The following CEP128 variants were observed in gnomAD, a reference collection of about 807,000 sequenced individuals.
CEP128 encodes centrosomal protein 128kDa.
Under a neutral mutation model 156.7 loss-of-function variants are expected in CEP128, and 132 were observed. The observed-to-expected ratio is 0.84, with a 90% CI of 0.73 to 0.97. The LOEUF (loss-of-function observed/expected upper bound fraction) is 0.97, where lower values mean the gene tolerates loss of function less well. CEP128 is among the 50% of genes least tolerant of loss of function. The pLI is 0.00. For synonymous variants in CEP128, 469 were observed against 448.9 expected, an observed-to-expected ratio of 1.04 and a Z score of -0.57; for missense variants, 1,252 against 1,281.9, an observed-to-expected ratio of 0.98 and a Z score of 0.36.
intron 19 of CEP128, among the ~76,000 whole-genome samples, chr14:80,730,193 G>A (rs58842394): frequency 0.075 from 11,483 of 152,108 alleles, 1,456 homozygotes; most frequent in African/African-American, 0.26. Context: ...TCATTGCAAC[G>A]AAATCATACT....
At chr14:80,924,125 G>A (rs1219541372) in intron 2 of CEP128, among the ~76,000 whole-genome samples, 1 of 152,200 alleles carries the variant, frequency 6.6e-6, no homozygotes, top group African/African-American at 2.4e-5. Flanking sequence ...CTTTATAGCA[G>A]TATGAAAATG....
chr14:80,561,404 T>G (rs1363876656), intron 20 of CEP128, among the ~76,000 whole-genome samples: 1 of 152,176 alleles, frequency 6.6e-6, no homozygotes, highest in East Asian at 1.9e-4. Context: ...GGGGCTTTGA[T>G]CTATTGTTGC....
At chr14:80,898,407 G>A in intron 7 of CEP128, among the ~76,000 whole-genome samples, 1 of 151,976 alleles carries the variant, frequency 6.6e-6, no homozygotes, top group East Asian at 1.9e-4. Context: ...TCCTATTTTG[G>A]GTAAAACAAA....
intron 18 of CEP128, among the ~76,000 whole-genome samples, chr14:80,746,932 A>G (rs1025883546): frequency 6.6e-6 from 1 of 152,246 alleles, no homozygotes; most frequent in Non-Finnish European, 1.5e-5. Context: ...ATGTAAATAG[A>G]TATTTCTCCA....
intron 19 of CEP128, among the ~76,000 whole-genome samples, chr14:80,681,416 C>T (rs1896319794): frequency 6.6e-6 from 1 of 152,130 alleles, no homozygotes; most frequent in Non-Finnish European, 1.5e-5. Flanking sequence ...AAAATGGAAA[C>T]TCAGAAATAA....
In CEP128 at chr14:80,904,913, G is replaced by C; in HGVS notation, c.380C>G (p.Pro127Arg). The C allele has an allele frequency of 1.9e-6, 3 of 1,600,274 alleles. No homozygotes were observed. The highest frequency in any genetic ancestry group is 2.2e-5 in the South Asian group (2 of 90,790). Residue 127 changes from proline to arginine, a missense_variant, in exon 6 of 25, where the codon CCT becomes CGT. Physicochemically the swap from Pro to Arg is moderately radical, Grantham distance 103. Coordinates refer to ENST00000555265, the MANE Select transcript of CEP128 (RefSeq NM_152446.5). ...CCCATAGTCCTTGAGAGGTGAGGTAGGTGGAAAATGATGGAGCTCTTCACA... is the reference window on the plus strand; with the variant it reads ...CCCATAGTCCTTGAGAGGTGAGGTACGTGGAAAATGATGGAGCTCTTCACA... ...GTGSELHHFP[P>R]TSPLKDYGDP...
At chr14:80,765,808 C>A (rs1401923413) in intron 16 of CEP128, among the ~76,000 whole-genome samples, 2 of 152,158 alleles carry the variant, frequency 1.3e-5, no homozygotes, top group African/African-American at 2.4e-5. Context: ...GACTACATAA[C>A]TTGACTAAAG....
chr14:80,558,354 T>C (rs571268123), intron 21 of CEP128, among the ~76,000 whole-genome samples: 1 of 152,246 alleles, frequency 6.6e-6, no homozygotes, highest in East Asian at 1.9e-4. Context: ...AGTGGCATGA[T>C]CTCGGCTCAC....
chr14:80,556,092 G>C (rs903649550), intron 21 of CEP128, among the ~76,000 whole-genome samples: 1 of 151,916 alleles, frequency 6.6e-6, no homozygotes, highest in African/African-American at 2.4e-5. Context: ...CATGAGCAGG[G>C]GCTCTCAATC....
At chr14:80,698,059 T>C (rs1322013574) in intron 19 of CEP128, among the ~76,000 whole-genome samples, 1 of 152,088 alleles carries the variant, frequency 6.6e-6, no homozygotes. Flanking sequence ...ACTGTGACTT[T>C]GTATTATATT....
chr14:80,835,454 T>A (rs1420515809), intron 12 of CEP128, among the ~76,000 whole-genome samples: 30 of 152,192 alleles, frequency 2.0e-4, no homozygotes, highest in Admixed American at 2.0e-3. Flanking sequence ...TTACCTTCCC[T>A]GAATTTAACA....
In CEP128 at chr14:80,699,647, C is replaced by T. The variant is rs566306451; in HGVS notation, c.2806+43428G>A. ...CGAGCATGCTACATCACTGATAATA[C>T]ACAGAGAGATTAAACCTATTAAACC... On this transcript the variant is annotated intron_variant, in intron 19 of 24. Coordinates refer to ENST00000555265, the MANE Select transcript of CEP128 (RefSeq NM_152446.5). 1.7e-4 allele frequency among the ~76,000 whole-genome samples: 10 copies of T among 60,146 alleles called. No individual in the cohort carries two copies. The East Asian group carries it at 8.2e-3, about 49-fold the overall frequency. The allele number at this position is 60,146 out of a possible 152,430, so 39.5% of individuals were successfully genotyped here.
chr14:80,581,303 G>T (rs919988784), intron 19 of CEP128, among the ~76,000 whole-genome samples: 1 of 152,090 alleles, frequency 6.6e-6, no homozygotes, highest in Admixed American at 6.6e-5. Flanking sequence ...CTCTCTCATT[G>T]ATATAGCTTA....
At chr14:80,704,184 T>C (rs551081024) in intron 19 of CEP128, among the ~76,000 whole-genome samples, 3 of 152,182 alleles carry the variant, frequency 2.0e-5, no homozygotes, top group Non-Finnish European at 4.4e-5. Context: ...ATTTCAATTA[T>C]GTAGTCCTAG....
At position 80,785,404 on chromosome 14, in the gene CEP128, G is replaced by A. The variant is rs115536488; in HGVS notation, c.1702C>T (p.Arg568Cys). Residue 568 changes from arginine to cysteine, a missense_variant, in exon 15 of 25, where the codon CGT (arginine) becomes TGT (cysteine). Transcript: ENST00000555265. ...TCAGCTTGATGAGACTTAATATCAC[G>A]TAATTTCTCCTCCTTGGAGTGAAGC... is the stretch of plus-strand genomic sequence containing the variant. ...EELHSKEEKL[R>C]DIKSHQADLE... The A allele has an allele frequency of 1.3e-5, 21 of 1,614,018 alleles. No homozygotes were observed. The highest frequency in any genetic ancestry group is 4.5e-5 in the East Asian group (2 of 44,884).
chr14:80,916,385 C>T lies in CEP128; in HGVS notation c.147+16G>A. On this transcript the variant is annotated intron_variant, in intron 3 of 24. Transcript: ENST00000555265. ...ACTATTTAAATTCTATTAAATGCAA[C>T]CATTGTTAAACTAACCTGTAAAGTA... The T allele has an allele frequency of 6.2e-7, 1 of 1,600,170 alleles. No homozygotes were observed. The highest frequency in any genetic ancestry group is 8.5e-7 in the Non-Finnish European group (1 of 1,171,110).
chr14:80,775,788 A>G (rs1231474740), intron 16 of CEP128, among the ~76,000 whole-genome samples: 1 of 152,266 alleles, frequency 6.6e-6, no homozygotes, highest in Non-Finnish European at 1.5e-5. Flanking sequence ...TAACACATGC[A>G]TCTGAAATAT....
At chr14:80,910,969 T>G (rs1884173336) in intron 4 of CEP128, among the ~76,000 whole-genome samples, 1 of 152,190 alleles carries the variant, frequency 6.6e-6, no homozygotes, top group East Asian at 1.9e-4. Context: ...TGCTTTTAGA[T>G]TACCATGAAA....
intron 8 of CEP128, among the ~76,000 whole-genome samples, chr14:80,893,619 T>C (rs769067711): frequency 5.3e-5 from 8 of 151,816 alleles, no homozygotes; most frequent in Non-Finnish European, 1.2e-4. Context: ...ATAGCTTAAA[T>C]GCACAAAATA....
Sources: gnomAD v4.1 joint callset for allele counts (sites outside exome capture counted in the v4.1 genomes callset) on GRCh38, gnomAD v4.1.1 for gene constraint, MANE v1.5 for transcripts, NCBI Gene and HGNC (gene_info 2026-07-23, HGNC 2026-07-21) for gene names.